Variants in GLIS3 observed in about 807,000 individuals in gnomAD.
GLIS3 encodes GLIS family zinc finger 3.
In GLIS3, 53 loss-of-function variants were observed where a neutral mutation model predicts 78.6. That is an observed-to-expected ratio of 0.67 (90% CI 0.54 to 0.85). The LOEUF is 0.85. Among genes scored for constraint, GLIS3 ranks in the 40% least tolerant of loss-of-function variants. The pLI is 0.00. For missense variants in GLIS3, 1,703 were observed against 1,231.1 expected (o/e 1.38, Z -5.74); for synonymous variants, 684 against 509.9 (o/e 1.34, Z -4.60).
intron 2 of GLIS3, among the ~76,000 whole-genome samples, chr9:4,137,895 G>C (rs1402599780): frequency 6.6e-6 from 1 of 152,164 alleles, no homozygotes; most frequent in Non-Finnish European, 1.5e-5. Context: ...CTTCTCCCTC[G>C]ACAAATTTTC....
chr9:4,219,749 G>T (rs949980010), intron 2 of GLIS3, among the ~76,000 whole-genome samples: 1 of 152,216 alleles, frequency 6.6e-6, no homozygotes, highest in Non-Finnish European at 1.5e-5. Context: ...GGGAGGAAGT[G>T]GGGGCTTTGG....
chr9:4,206,935 A>C (rs976336608), intron 2 of GLIS3, among the ~76,000 whole-genome samples: 1 of 152,194 alleles, frequency 6.6e-6, no homozygotes, highest in African/African-American at 2.4e-5. Flanking sequence ...GACAAACAAC[A>C]ACTGCTTAAT....
intron 6 of GLIS3, among the ~76,000 whole-genome samples, chr9:3,923,088 T>A (rs1824996696): frequency 6.6e-6 from 1 of 152,230 alleles, no homozygotes; most frequent in Non-Finnish European, 1.5e-5. Flanking sequence ...CATGGCTGGG[T>A]GTAGTCATAG....
At chr9:4,127,204 T>C (rs937458001) in intron 2 of GLIS3, among the ~76,000 whole-genome samples, 7 of 152,090 alleles carry the variant, frequency 4.6e-5, no homozygotes, top group Middle Eastern at 3.2e-3. Flanking sequence ...GACACTAAAA[T>C]CCAAGTGGTA....
chr9:4,318,296 G>A (rs1817469927), intron 2 of GLIS3, among the ~76,000 whole-genome samples: 1 of 152,180 alleles, frequency 6.6e-6, no homozygotes. Flanking sequence ...TCCCAGTTCT[G>A]TTCACTGAAA....
chr9:4,423,504 A>T, the GLIS3 span, among the ~76,000 whole-genome samples: 14 of 151,982 alleles, frequency 9.2e-5, no homozygotes, highest in Admixed American at 6.6e-5. Context: ...ATGACACCAA[A>T]GCTCCTATCT....
At chr9:4,459,638 G>A in the GLIS3 span, among the ~76,000 whole-genome samples, 2 of 152,192 alleles carry the variant, frequency 1.3e-5, no homozygotes, top group African/African-American at 4.8e-5. Context: ...GGTGGTACAC[G>A]CCTGTGGTCC....
chr9:4,196,826 G>C (rs1225173863), intron 2 of GLIS3, among the ~76,000 whole-genome samples: 1 of 151,276 alleles, frequency 6.6e-6, no homozygotes, highest in Non-Finnish European at 1.5e-5. Flanking sequence ...ACCACACAAT[G>C]AGATGTGCAA....
the GLIS3 span, among the ~76,000 whole-genome samples, chr9:4,365,587 A>G: frequency 6.6e-6 from 1 of 152,068 alleles, no homozygotes; most frequent in Non-Finnish European, 1.5e-5. Flanking sequence ...GAAAAGAAAG[A>G]TAAAATCAAA....
intron 4 of GLIS3, among the ~76,000 whole-genome samples, chr9:3,951,149 T>TA (rs1334866452): frequency 2.0e-5 from 3 of 152,176 alleles, no homozygotes; most frequent in Non-Finnish European, 4.4e-5. Context: ...GGGAGATGAA[T>TA]AAATAGCTTC....
intron 2 of GLIS3, among the ~76,000 whole-genome samples, chr9:4,224,370 G>T (rs1587038289): frequency 6.6e-6 from 1 of 152,298 alleles, no homozygotes; most frequent in Non-Finnish European, 1.5e-5. Flanking sequence ...CGTCTCACTG[G>T]TGACAGCTTC....
intron 4 of GLIS3, chr9:4,054,230 G>A: frequency 1.6e-6 from 1 of 628,004 alleles, no homozygotes; most frequent in South Asian, 7.1e-5. Context: ...CATCAGCTCT[G>A]TGAGGGCAGA....
At chr9:3,957,000 G>C (rs1288866389) in intron 4 of GLIS3, among the ~76,000 whole-genome samples, 1 of 152,132 alleles carries the variant, frequency 6.6e-6, no homozygotes, top group Non-Finnish European at 1.5e-5. Flanking sequence ...ACTTGCCCTG[G>C]AACTCGCAGC....
At chr9:4,045,774 T>C (rs1206863240) in intron 4 of GLIS3, among the ~76,000 whole-genome samples, 1 of 152,174 alleles carries the variant, frequency 6.6e-6, no homozygotes, top group African/African-American at 2.4e-5. Context: ...GCTCTAGATA[T>C]TATGAGTCCT....
At chr9:4,070,612 G>T (rs1406457042) in intron 4 of GLIS3, among the ~76,000 whole-genome samples, 1 of 152,122 alleles carries the variant, frequency 6.6e-6, no homozygotes, top group Non-Finnish European at 1.5e-5. Flanking sequence ...GAGTATGTAT[G>T]TGTGTGTATA....
intron 2 of GLIS3, among the ~76,000 whole-genome samples, chr9:4,330,577 G>A (rs1169499886): frequency 6.7e-6 from 1 of 150,332 alleles, no homozygotes; most frequent in Non-Finnish European, 1.5e-5. Flanking sequence ...ATGAAGAGAG[G>A]TGGAGGTGAA....
intron 4 of GLIS3, among the ~76,000 whole-genome samples, chr9:4,027,256 G>T (rs1823424132): frequency 6.6e-6 from 1 of 152,206 alleles, no homozygotes; most frequent in Non-Finnish European, 1.5e-5. Context: ...AATGACTGCA[G>T]AAGATTCTGA....
intron 4 of GLIS3, among the ~76,000 whole-genome samples, chr9:4,060,204 C>A (rs1015866013): frequency 2.6e-4 from 40 of 152,156 alleles, no homozygotes; most frequent in African/African-American, 9.4e-4. Flanking sequence ...TATCTCACTT[C>A]ATACTACTCT....
At chr9:4,099,298 G>A (rs1830188288) in intron 4 of GLIS3, among the ~76,000 whole-genome samples, 1 of 152,176 alleles carries the variant, frequency 6.6e-6, no homozygotes, top group Non-Finnish European at 1.5e-5. Flanking sequence ...GTGTGGGTCT[G>A]AGGGCTCTGA....
Sources: gnomAD v4.1 joint callset for allele counts (sites outside exome capture counted in the v4.1 genomes callset) on GRCh38, gnomAD v4.1.1 for gene constraint, MANE v1.5 for transcripts, NCBI Gene and HGNC (gene_info 2026-07-23, HGNC 2026-07-21) for gene names.